ALDH18A1: variants seen among roughly 807,000 people sequenced by gnomAD.
ALDH18A1 encodes aldehyde dehydrogenase 18 family member A1.
ALDH18A1 carries 44 observed loss-of-function variants against 88.8 expected under a neutral mutation model. The ratio of observed to expected loss-of-function variants is 0.50; its 90% CI spans 0.39 to 0.64. The LOEUF (loss-of-function observed/expected upper bound fraction) is 0.64, where lower values mean the gene tolerates loss of function less well. Ranked by LOEUF, ALDH18A1 falls within the 30% of genes least tolerant of loss-of-function variation. ALDH18A1 has a pLI of 0.00. For synonymous variants in ALDH18A1, 331 were observed against 372.1 expected (o/e 0.89, Z 1.27); for missense variants, 782 against 1,009.5 (o/e 0.77, Z 3.05).
At chr10:95,628,305 A>G in intron 8 of ALDH18A1, 63 bp downstream of exon 8, 3 of 1,610,510 alleles carry the variant, frequency 1.9e-6, no homozygotes, top group Non-Finnish European at 2.5e-6. Flanking sequence ...ACAAAAGTAA[A>G]AAGGATACAA....
At chr10:95,637,477 C>A (rs758214450) in intron 3 of ALDH18A1, 41 bp from the exon 4 acceptor site, 449 of 1,610,062 alleles carry the variant, frequency 2.8e-4, no homozygotes, top group Non-Finnish European at 3.7e-4. Flanking sequence ...AGTTACCGTA[C>A]TGTCTCTTTC....
chr10:95,651,621 G>A (rs1030992208), intron 2 of ALDH18A1, among the ~76,000 whole-genome samples: 2 of 152,148 alleles, frequency 1.3e-5, no homozygotes, highest in African/African-American at 4.8e-5. Flanking sequence ...CTCCAATGGC[G>A]AGAGAGGGAA....
chr10:95,639,330 T>G (rs2139629605), intron 3 of ALDH18A1, among the ~76,000 whole-genome samples: 1 of 151,892 alleles, frequency 6.6e-6, no homozygotes, highest in South Asian at 2.1e-4. Flanking sequence ...ACCCTCTCTC[T>G]AAAATAAATA....
chr10:95,635,822 T>C (rs953675837), intron 5 of ALDH18A1, among the ~76,000 whole-genome samples: 1 of 152,186 alleles, frequency 6.6e-6, no homozygotes, highest in Admixed American at 6.5e-5. Context: ...TCAAAAGGTT[T>C]CATCCCTGGG....
intron 17 of ALDH18A1, among the ~76,000 whole-genome samples, chr10:95,609,531 G>A (rs181628298): frequency 2.0e-5 from 3 of 152,214 alleles, no homozygotes; most frequent in Non-Finnish European, 2.9e-5. Flanking sequence ...GGTTGCCCAC[G>A]CTGTAGCGGG....
intron 6 of ALDH18A1, 65 bp downstream of exon 6, chr10:95,633,426 T>C (rs1780636675): frequency 1.9e-6 from 3 of 1,581,336 alleles, no homozygotes; most frequent in Non-Finnish European, 2.6e-6. Context: ...CTGGTGTTAG[T>C]GCATGCAGCA....
At position 95,611,319 on chromosome 10, in the gene ALDH18A1, C is replaced by A; in HGVS notation, c.2047G>T (p.Asp683Tyr). 1 of 1,614,186 alleles carries A rather than the reference C, an allele frequency of 6.2e-7. No individual in the cohort carries two copies. Among genetic ancestry groups the A allele is most frequent in the East Asian group, 2.2e-5 (1 of 44,890 alleles). ...TACTTGTGGATGTGGTCAATGGCAT[C>A]CTGAACGTTGTCCACTACTTCAATG... ...LCIEVVDNVQ[D>Y]AIDHIHKYGS... is the part of the protein sequence containing the mutation. The change falls in exon 16 of 18, where the codon GAT (aspartate) becomes TAT (tyrosine). Residue 683 changes from aspartate to tyrosine, a missense_variant. Physicochemically the swap from Asp to Tyr is radical, Grantham distance 160 (BLOSUM62 -3). Transcript: ENST00000371224.
chr10:95,606,780 A>G lies in ALDH18A1; in HGVS notation c.2370T>C (p.Pro790=). ...GCTCTTTTCAGTTGGTGTTTCTCTGAGGAATAGGGAGGTTCTCATGAAGAT... is the reference window on the plus strand; with the variant it reads ...GCTCTTTTCAGTTGGTGTTTCTCTGGGGAATAGGGAGGTTCTCATGAAGAT... ...LKYLHENLPI[P]QRNTN Residue 790 remains proline, a synonymous_variant, in exon 18 of 18, where the codon CCT becomes CCC. Transcript: ENST00000371224. 1 of 1,614,116 alleles carries G rather than the reference A, an allele frequency of 6.2e-7. No homozygotes were observed. Among genetic ancestry groups the G allele is most frequent in the Non-Finnish European group, 8.5e-7 (1 of 1,180,002 alleles).
At chr10:95,609,538 C>T (rs1459341478) in intron 17 of ALDH18A1, among the ~76,000 whole-genome samples, 1 of 152,208 alleles carries the variant, frequency 6.6e-6, no homozygotes, top group Non-Finnish European at 1.5e-5. Flanking sequence ...CACGCTGTAG[C>T]GGGAGAACCC....
In ALDH18A1 at chr10:95,613,738, T is replaced by C; in HGVS notation, c.1923+4A>G. 6.2e-7 allele frequency: 1 copy of C among 1,614,132 alleles called. No individual in the cohort carries two copies. Among genetic ancestry groups the C allele is most frequent in the Non-Finnish European group, 8.5e-7 (1 of 1,179,976 alleles). The stretch of plus-strand genomic sequence containing the variant: ...GTAATGTACTAGTCCTATGGAACTC[T>C]TACCTGTTCCACTCTCAGCATATCA... On this transcript the variant is annotated splice_donor_region_variant and intron_variant, in intron 15 of 17. Coordinates refer to ENST00000371224, the MANE Select transcript of ALDH18A1 (RefSeq NM_002860.4).
At chr10:95,619,571 T>G (rs1197365526) in intron 12 of ALDH18A1, among the ~76,000 whole-genome samples, 3 of 152,150 alleles carry the variant, frequency 2.0e-5, no homozygotes, top group Non-Finnish European at 4.4e-5. Flanking sequence ...AACAGCATGG[T>G]ACTGGTACCA....
At chr10:95,638,602 G>T (rs1274608941) in intron 3 of ALDH18A1, among the ~76,000 whole-genome samples, 2 of 152,150 alleles carry the variant, frequency 1.3e-5, no homozygotes, top group African/African-American at 4.8e-5. Context: ...CTTAACCCGG[G>T]TAAAGGAGGC....
At chr10:95,639,356 AG>A (rs2097887097) in intron 3 of ALDH18A1, among the ~76,000 whole-genome samples, 1 of 151,978 alleles carries the variant, frequency 6.6e-6, no homozygotes, top group South Asian at 2.1e-4. Context: ...AAAAAGAAAA[AG>A]AAAATTTAAT....
intron 3 of ALDH18A1, among the ~76,000 whole-genome samples, chr10:95,637,805 C>T (rs934329338): frequency 4.4e-4 from 67 of 152,188 alleles, no homozygotes; most frequent in African/African-American, 1.4e-3. Context: ...CCAATCTCTA[C>T]AAAAAGTACA....
chr10:95,645,795 G>A (rs1227652042), intron 2 of ALDH18A1, among the ~76,000 whole-genome samples: 1 of 152,054 alleles, frequency 6.6e-6, no homozygotes, highest in Admixed American at 6.6e-5. Flanking sequence ...TGGATCCACA[G>A]GTGCACGGTC....
At chr10:95,618,223 T>C (rs1418968302) in intron 12 of ALDH18A1, among the ~76,000 whole-genome samples, 1 of 152,190 alleles carries the variant, frequency 6.6e-6, no homozygotes, top group African/African-American at 2.4e-5. Context: ...CACTCTCTAA[T>C]GACACCTTGT....
intron 7 of ALDH18A1, among the ~76,000 whole-genome samples, chr10:95,630,441 C>G (rs140894009): frequency 2.2e-4 from 33 of 152,320 alleles, no homozygotes; most frequent in African/African-American, 6.3e-4. Context: ...GGCCAGGCGC[C>G]GTGGCTCATG....
intron 2 of ALDH18A1, among the ~76,000 whole-genome samples, chr10:95,650,740 C>A (rs1282921319): frequency 6.6e-6 from 1 of 152,106 alleles, no homozygotes; most frequent in Non-Finnish European, 1.5e-5. Context: ...ATTACCCAGC[C>A]TCAGATATTC....
intron 2 of ALDH18A1, among the ~76,000 whole-genome samples, chr10:95,646,662 A>G (rs932728355): frequency 2.0e-5 from 3 of 152,158 alleles, no homozygotes; most frequent in Admixed American, 2.0e-4. Context: ...AAAACTGAGA[A>G]GGCCTTGATT....
Sources: allele counts gnomAD v4.1 joint callset (sites outside exome capture counted in the v4.1 genomes callset), GRCh38; gene constraint gnomAD v4.1.1; transcripts MANE v1.5; gene names NCBI Gene and HGNC (gene_info 2026-07-23, HGNC 2026-07-21).